Variants in TTC29 observed in about 807,000 individuals in gnomAD.
The protein encoded by TTC29 is tetratricopeptide repeat protein 29.
In TTC29, 49 loss-of-function variants were observed where a neutral mutation model predicts 58.1. The ratio of observed to expected loss-of-function variants is 0.84; its 90% CI spans 0.67 to 1.07. TTC29 has a LOEUF of 1.07. Among genes scored for constraint, TTC29 ranks in the 50% least tolerant of loss-of-function variants. The pLI is 0.00. For missense variants in TTC29, 582 were observed against 555.6 expected, an observed-to-expected ratio of 1.05 and a Z score of -0.48; for synonymous variants, 209 against 196.8, an observed-to-expected ratio of 1.06 and a Z score of -0.52.
At chr4:146,874,661 G>C (rs1731135981) in intron 7 of TTC29, 55 bp downstream of exon 7, 5 of 1,369,254 alleles carry the variant, frequency 3.7e-6, no homozygotes, top group Non-Finnish European at 5.1e-6. Context: ...ACTCTTGGGA[G>C]AAACAGTGTC....
intron 6 of TTC29, among the ~76,000 whole-genome samples, chr4:146,897,523 C>G (rs866513261): frequency 6.6e-5 from 10 of 152,146 alleles, no homozygotes; most frequent in Non-Finnish European, 1.5e-4. Context: ...GTCCCTCTCC[C>G]GCTCCCTGCC....
intron 8 of TTC29, among the ~76,000 whole-genome samples, chr4:146,862,384 A>G (rs1002529225): frequency 6.6e-6 from 1 of 152,088 alleles, no homozygotes; most frequent in Non-Finnish European, 1.5e-5. Context: ...TGCAGATAGG[A>G]AGATATGTTG....
chr4:146,842,386 C>T (rs1728904193), intron 8 of TTC29, among the ~76,000 whole-genome samples: 1 of 152,102 alleles, frequency 6.6e-6, no homozygotes, highest in African/African-American at 2.4e-5. Flanking sequence ...CTTCTTGTGA[C>T]AGTCCTCCCA....
At chr4:146,826,543 T>G (rs1002589016) in intron 9 of TTC29, among the ~76,000 whole-genome samples, 3 of 152,120 alleles carry the variant, frequency 2.0e-5, no homozygotes, top group Non-Finnish European at 2.9e-5. Flanking sequence ...CCCTTAACAG[T>G]TTTTCCTTCA....
At chr4:146,833,237 G>T (rs928950747) in intron 9 of TTC29, among the ~76,000 whole-genome samples, 7 of 152,194 alleles carry the variant, frequency 4.6e-5, no homozygotes, top group Admixed American at 3.9e-4. Context: ...AACAATGATT[G>T]CAAGACAATG....
intron 11 of TTC29, among the ~76,000 whole-genome samples, chr4:146,712,418 A>G (rs1742567751): frequency 6.6e-6 from 1 of 152,174 alleles, no homozygotes; most frequent in Non-Finnish European, 1.5e-5. Context: ...ATGGATTGAC[A>G]TAGACTCATG....
rs1255157997 is a variant in TTC29, at chr4:146,744,089, A to T, written c.1331-36538T>A. Among the ~76,000 whole-genome samples the T allele has an allele frequency of 2.0e-5, 3 of 152,360 alleles. No individual in the cohort carries two copies. In the South Asian group the frequency reaches 6.2e-4, roughly 32 times the overall value. ...GAAGGAGGGAAAGGAAAGAGTATTG[A>T]TATCCTCTGAAATACTCCTATATCT... On this transcript the variant is annotated intron_variant, in intron 11 of 12. Transcript: ENST00000325106.
chr4:146,743,271 A>G (rs1745299892), intron 11 of TTC29, among the ~76,000 whole-genome samples: 1 of 152,202 alleles, frequency 6.6e-6, no homozygotes, highest in Non-Finnish European at 1.5e-5. Context: ...TTGAATATGT[A>G]TTTTGAGTGT....
chr4:146,808,046 C>T (rs978821701), intron 10 of TTC29, among the ~76,000 whole-genome samples: 1 of 152,106 alleles, frequency 6.6e-6, no homozygotes, highest in South Asian at 2.1e-4. Context: ...TCATCATGAC[C>T]AAATTGGCTT....
chr4:146,885,718 A>G (rs1204741701), intron 6 of TTC29, among the ~76,000 whole-genome samples: 7 of 152,128 alleles, frequency 4.6e-5, no homozygotes, highest in Non-Finnish European at 7.4e-5. Context: ...CAGTTCTTCA[A>G]TTAAAAGTAG....
intron 6 of TTC29, among the ~76,000 whole-genome samples, chr4:146,900,469 C>T (rs1464627189): frequency 1.3e-5 from 2 of 152,162 alleles, no homozygotes; most frequent in African/African-American, 4.8e-5. Context: ...GGCAGACCCT[C>T]CCTGACTGCT....
chr4:146,891,828 A>T (rs1732385859), intron 6 of TTC29, among the ~76,000 whole-genome samples: 1 of 152,306 alleles, frequency 6.6e-6, no homozygotes, highest in East Asian at 1.9e-4. Flanking sequence ...GAATGCTCAC[A>T]GACATTTAGA....
intron 11 of TTC29, among the ~76,000 whole-genome samples, chr4:146,755,322 A>C (rs1275689904): frequency 6.6e-6 from 1 of 152,192 alleles, no homozygotes; most frequent in Non-Finnish European, 1.5e-5. Context: ...TTTTAATGCA[A>C]TCCTTATCAA....
chr4:146,755,677 A>G (rs1259556479), intron 11 of TTC29, among the ~76,000 whole-genome samples: 1 of 151,492 alleles, frequency 6.6e-6, no homozygotes, highest in Non-Finnish European at 1.5e-5. Context: ...TGGCTTCATG[A>G]TAGTAACTTT....
chr4:146,779,662 C>T (rs1351657093), intron 11 of TTC29, among the ~76,000 whole-genome samples: 3 of 152,106 alleles, frequency 2.0e-5, no homozygotes, highest in Admixed American at 2.0e-4. Flanking sequence ...AGAATTATAT[C>T]AGATTAGGCT....
intron 10 of TTC29, among the ~76,000 whole-genome samples, chr4:146,810,667 C>T (rs558274765): frequency 3.4e-5 from 5 of 146,898 alleles, no homozygotes; most frequent in South Asian, 2.2e-4. Context: ...TTTCAGCTCA[C>T]GCAACCTCTG....
chr4:146,832,376 A>G (rs1012273825), intron 9 of TTC29, among the ~76,000 whole-genome samples: 1 of 152,182 alleles, frequency 6.6e-6, no homozygotes, highest in African/African-American at 2.4e-5. Context: ...TTGGTCTTCC[A>G]TGGACTAGTT....
intron 11 of TTC29, among the ~76,000 whole-genome samples, chr4:146,760,754 G>GTA (rs35281359): frequency 0.26 from 28,154 of 110,362 alleles, 3,686 homozygotes; most frequent in East Asian, 0.34. Flanking sequence ...ATATATATGT[G>GTA]TATATATATA....
At chr4:146,818,771 C>T (rs1478815905) in intron 10 of TTC29, among the ~76,000 whole-genome samples, 3 of 152,240 alleles carry the variant, frequency 2.0e-5, no homozygotes, top group East Asian at 3.9e-4. Context: ...ATGAAGAGTT[C>T]ATGTCCTTTG....
Sources: gnomAD v4.1 joint callset for allele counts (sites outside exome capture counted in the v4.1 genomes callset) on GRCh38, gnomAD v4.1.1 for gene constraint, MANE v1.5 for transcripts, NCBI Gene and HGNC (gene_info 2026-07-23, HGNC 2026-07-21) for gene names.